The following CERS4 variants were observed in gnomAD, a reference collection of about 807,000 sequenced individuals.
CERS4 encodes LAG1 homolog, ceramide synthase 4.
CERS4 carries 65 observed loss-of-function variants against 51.8 expected under a neutral mutation model. The observed-to-expected ratio is 1.26, with a 90% confidence interval of 1.03 to 1.54. CERS4 has a LOEUF of 1.54. Among genes scored for constraint, CERS4 ranks in the 40% most tolerant of loss-of-function variants. The probability of loss-of-function intolerance (pLI) is 0.00; values close to 1 mark genes in which losing one functional copy is unlikely to be tolerated. For synonymous variants in CERS4, 228 were observed against 208.4 expected (o/e 1.09, Z -0.81); for missense variants, 563 against 500.4 (o/e 1.13, Z -1.19).
At chr19:8,257,362 G>T (rs1969450488) in intron 9 of CERS4, among the ~76,000 whole-genome samples, 1 of 151,930 alleles carries the variant, frequency 6.6e-6, no homozygotes, top group African/African-American at 2.4e-5. Context: ...CATCTTCCTG[G>T]GAGATAAAGC....
At chr19:8,228,781 T>G (rs749811684) in intron 2 of CERS4, among the ~76,000 whole-genome samples, 2 of 151,934 alleles carry the variant, frequency 1.3e-5, no homozygotes, top group African/African-American at 4.8e-5. Context: ...CCCAGCACTT[T>G]GGGAAGCCAA....
intron 2 of CERS4, among the ~76,000 whole-genome samples, chr19:8,231,845 C>G (rs967212308): frequency 8.5e-6 from 1 of 117,152 alleles, no homozygotes; most frequent in Non-Finnish European, 1.7e-5. Context: ...AGGCACTGTG[C>G]CCAGCATTTT....
At chr19:8,222,124 C>G (rs1967591152) in intron 2 of CERS4, 1 of 151,898 alleles carries the variant, frequency 6.6e-6, no homozygotes, top group South Asian at 2.1e-4. Context: ...TCGTGATCCA[C>G]CCGCCTCAGC....
At chr19:8,217,537 G>GTTT (rs567486585) in intron 2 of CERS4, among the ~76,000 whole-genome samples, 2 of 134,536 alleles carry the variant, frequency 1.5e-5, no homozygotes, top group Non-Finnish European at 3.2e-5. Context: ...CCTGGCTAAT[G>GTTT]TTTTTTTTTT....
At position 8,219,872 on chromosome 19, in the gene CERS4, A is replaced by C. The variant is rs529118201; in HGVS notation, c.-2+9010A>C. Among the ~76,000 whole-genome samples the C allele has an allele frequency of 2.3e-3, 348 of 151,766 alleles. 2 individuals carry two copies. Among genetic ancestry groups the C allele is most frequent in the African/African-American group, 7.7e-3 (317 of 41,400 alleles). ...GGCATGGGTGCCTGTAGTCTCAGCTATTCAGGAGGCTGAGGCAGGGGGATC... is the reference window on the plus strand; with the variant it reads ...GGCATGGGTGCCTGTAGTCTCAGCTCTTCAGGAGGCTGAGGCAGGGGGATC... On this transcript the variant is annotated intron_variant, in intron 2 of 11. Coordinates refer to ENST00000251363, the MANE Select transcript of CERS4 (RefSeq NM_024552.3).
intron 10 of CERS4, among the ~76,000 whole-genome samples, chr19:8,260,441 C>G (rs574474005): frequency 6.8e-6 from 1 of 147,278 alleles, no homozygotes; most frequent in Non-Finnish European, 1.5e-5. Context: ...CTTCTGACCT[C>G]GTGATCCACC....
At position 8,238,820 on chromosome 19, in the gene CERS4, C is replaced by T. The variant is rs543895355; in HGVS notation, c.-1-12256C>T. 3.9e-5 allele frequency among the ~76,000 whole-genome samples: 6 copies of T among 152,132 alleles called. No homozygotes were observed. In the South Asian group the frequency reaches 8.3e-4, roughly 21 times the overall value. ...ACATTAAGAAATTGCACGCTGAGCC[C>T]GAGTGTGGTGGCTTGTGTCGGTAAT... On this transcript the variant is annotated intron_variant, in intron 2 of 11. Coordinates refer to ENST00000251363, the MANE Select transcript of CERS4 (RefSeq NM_024552.3).
chr19:8,234,102 C>T (rs1345492916), intron 2 of CERS4, among the ~76,000 whole-genome samples: 6 of 151,816 alleles, frequency 4.0e-5, no homozygotes, highest in Non-Finnish European at 5.9e-5. Flanking sequence ...GTCAGGAGAT[C>T]GAGACCATCC....
rs191714643 is a variant in CERS4 at position 8,225,938 on chromosome 19, G to A, written c.-2+15076G>A. The stretch of plus-strand genomic sequence containing the variant: ...TGACCGGGCAAGGTGACTCACGCCT[G>A]TAATTCCAGCACTTTGGGAGGCCAA... On this transcript the variant is annotated intron_variant, in intron 2 of 11. Coordinates refer to ENST00000251363, the MANE Select transcript of CERS4 (RefSeq NM_024552.3). Among the ~76,000 whole-genome samples, 10 of 152,026 alleles carry A rather than the reference G, an allele frequency of 6.6e-5. No homozygotes were observed. The East Asian group carries it at 9.8e-4, about 15-fold the overall frequency.
chr19:8,251,998 G>A (rs1464491706), intron 3 of CERS4, among the ~76,000 whole-genome samples: 1 of 151,796 alleles, frequency 6.6e-6, no homozygotes, highest in African/African-American at 2.4e-5. Flanking sequence ...AGGCTGAGGT[G>A]GGTGGATCAC....
At chr19:8,257,298 T>C (rs1427521071) in intron 9 of CERS4, 2 of 547,970 alleles carry the variant, frequency 3.6e-6, no homozygotes, top group Non-Finnish European at 6.3e-6. Context: ...CTTGGCTTCC[T>C]TGGGCAGAGG....
chr19:8,250,780 T>G, intron 2 of CERS4: 45 of 1,120,622 alleles, frequency 4.0e-5, no homozygotes, highest in Middle Eastern at 3.8e-4. Flanking sequence ...CAGATGAACT[T>G]GAGGTTCAGA....
At chr19:8,217,888 G>T (rs1967370672) in intron 2 of CERS4, among the ~76,000 whole-genome samples, 1 of 152,068 alleles carries the variant, frequency 6.6e-6, no homozygotes, top group East Asian at 1.9e-4. Context: ...GGCCAGACTG[G>T]TCTCGAACTC....
chr19:8,252,396 C>T (rs1599580139), intron 3 of CERS4, among the ~76,000 whole-genome samples: 2 of 150,386 alleles, frequency 1.3e-5, no homozygotes, highest in East Asian at 2.0e-4. Flanking sequence ...AAAGCCTCAT[C>T]CCCACCAGTA....
intron 2 of CERS4, among the ~76,000 whole-genome samples, chr19:8,242,922 A>G (rs142905171): frequency 3.9e-4 from 59 of 152,168 alleles, no homozygotes; most frequent in African/African-American, 1.3e-3. Flanking sequence ...ACTTGAATGT[A>G]CCAAGGTGTG....
rs767460243 is a variant in CERS4, at chr19:8,232,122, A to ACC, written c.-1-18952_-1-18951dup. Among the ~76,000 whole-genome samples the ACC allele has an allele frequency of 2.1e-3, 320 of 150,138 alleles. 1 individual carries two copies. Among genetic ancestry groups the ACC allele is most frequent in the African/African-American group, 7.4e-3 (304 of 41,292 alleles). ...TGGAATTATAGGCATGAGTTACGAC[A>ACC]CCCGGCCCTATCCTCTTAATCTTTA... On this transcript the variant is annotated intron_variant, in intron 2 of 11. Coordinates refer to ENST00000251363, the MANE Select transcript of CERS4 (RefSeq NM_024552.3).
At chr19:8,253,014 C>T (rs1204546779) in intron 3 of CERS4, among the ~76,000 whole-genome samples, 1 of 152,180 alleles carries the variant, frequency 6.6e-6, no homozygotes, top group East Asian at 1.9e-4. Context: ...GGACTTGGCC[C>T]CATGCTTAGC....
intron 2 of CERS4, among the ~76,000 whole-genome samples, chr19:8,249,886 G>A (rs192339869): frequency 3.3e-5 from 5 of 152,160 alleles, no homozygotes; most frequent in South Asian, 2.1e-4. Context: ...CACTGAGCCC[G>A]GCCTCTGGAT....
Position 8,221,894 on chromosome 19 carries a change from T to TTTG in CERS4, c.-2+11034_-2+11035insGTT, listed in dbSNP as rs757326040. Among the ~76,000 whole-genome samples the TTTG allele has an allele frequency of 3.7e-3, 472 of 128,226 alleles. 11 individuals carry two copies. Among genetic ancestry groups the TTTG allele is most frequent in the Non-Finnish European group, 6.3e-3 (379 of 60,246 alleles). 84.1% of individuals were successfully genotyped at this position (128,226 alleles called of 152,430 possible). A position where few individuals can be genotyped will look rare whatever the true frequency, so the allele number is the denominator to read the frequency against. ...TATGTTTTTTTTTTTTTTTTTTTTT[T>TTTG]TTTTTGAGACAGAGGCTTGCTCTGT... is the stretch of plus-strand genomic sequence containing the variant. On this transcript the variant is annotated intron_variant, in intron 2 of 11. Transcript: ENST00000251363.
Sources: gnomAD v4.1 joint callset for allele counts (sites outside exome capture counted in the v4.1 genomes callset) on GRCh38, gnomAD v4.1.1 for gene constraint, MANE v1.5 for transcripts, NCBI Gene and HGNC (gene_info 2026-07-23, HGNC 2026-07-21) for gene names.